The following GABRP variants were observed in gnomAD, a reference collection of about 807,000 sequenced individuals.
GABRP encodes the protein gamma-aminobutyric acid type A receptor subunit pi.
A neutral mutation model predicts 47.8 loss-of-function variants in GABRP; 52 were observed. That is an observed-to-expected ratio of 1.09 (90% CI 0.87 to 1.37). The LOEUF (loss-of-function observed/expected upper bound fraction) is 1.37. Among genes scored for constraint, GABRP ranks in the 40% most tolerant of loss-of-function variants. The probability of loss-of-function intolerance (pLI) is 0.00; values close to 1 mark genes in which losing one functional copy is unlikely to be tolerated. For missense variants in GABRP, 525 were observed against 542.8 expected, an observed-to-expected ratio of 0.97 and a Z score of 0.33; for synonymous variants, 221 against 205.8, an observed-to-expected ratio of 1.07 and a Z score of -0.63.
At chr5:170,791,557 G>A (rs1414847230) in intron 3 of GABRP, among the ~76,000 whole-genome samples, 1 of 152,234 alleles carries the variant, frequency 6.6e-6, no homozygotes, top group Admixed American at 6.5e-5. Flanking sequence ...TGGTGGCACA[G>A]CTTGCTTTTA....
chr5:170,812,375 A>G lies in GABRP; in HGVS notation c.*117A>G, dbSNP rs553193983. 4 of 772,820 alleles carry G rather than the reference A, an allele frequency of 5.2e-6. No homozygotes were observed. In the Admixed American group the frequency reaches 1.0e-4, roughly 20 times the overall value. The allele number at this position is 772,820 out of a possible 1,614,324, so 47.9% of individuals were successfully genotyped here. ...AATGGTGCTACAAGTGACTGAAATA[A>G]TATTTGAGTCTTTCTGCTCAAAGAA... is the stretch of plus-strand genomic sequence containing the variant. On this transcript the variant is annotated 3_prime_UTR_variant, in exon 10 of 10. Coordinates refer to ENST00000265294, the MANE Select transcript of GABRP (RefSeq NM_014211.3).
chr5:170,802,324 G>A (rs1765617455), intron 6 of GABRP, among the ~76,000 whole-genome samples: 1 of 152,132 alleles, frequency 6.6e-6, no homozygotes, highest in African/African-American at 2.4e-5. Context: ...GTGTGTGGAG[G>A]GAGAAATATA....
intron 3 of GABRP, among the ~76,000 whole-genome samples, chr5:170,792,862 T>A (rs977283100): frequency 5.9e-5 from 9 of 152,232 alleles, no homozygotes; most frequent in Non-Finnish European, 8.8e-5. Flanking sequence ...TCTTCCTGGT[T>A]AATGCATTAT....
intron 9 of GABRP, among the ~76,000 whole-genome samples, chr5:170,810,813 G>A (rs1765862891): frequency 6.6e-6 from 1 of 152,044 alleles, no homozygotes; most frequent in South Asian, 2.1e-4. Context: ...TCATAGTCAT[G>A]TCATCCAAGC....
chr5:170,800,200 T>TGGCACAC (rs1484346640), intron 6 of GABRP, among the ~76,000 whole-genome samples: 2 of 152,142 alleles, frequency 1.3e-5, no homozygotes, highest in Non-Finnish European at 2.9e-5. Context: ...CATCTACAAC[T>TGGCACAC]ATCTGATCTT....
chr5:170,811,177 G>C (rs953599942), intron 9 of GABRP, among the ~76,000 whole-genome samples: 31 of 146,476 alleles, frequency 2.1e-4, no homozygotes, highest in African/African-American at 7.8e-4. Flanking sequence ...ACTAATTGAT[G>C]TGGCACATTT....
intron 1 of GABRP, among the ~76,000 whole-genome samples, chr5:170,784,688 G>A (rs1005525897): frequency 3.9e-5 from 6 of 152,206 alleles, no homozygotes; most frequent in Non-Finnish European, 8.8e-5. Context: ...AATTCCCATG[G>A]AAGACACGGA....
intron 6 of GABRP, among the ~76,000 whole-genome samples, chr5:170,804,944 G>A (rs990183302): frequency 2.3e-4 from 33 of 146,390 alleles, no homozygotes; most frequent in African/African-American, 8.3e-4. Flanking sequence ...AAGCTTTACT[G>A]TATATTAAAA....
intron 5 of GABRP, among the ~76,000 whole-genome samples, chr5:170,796,388 G>T (rs543187939): frequency 6.6e-6 from 1 of 152,292 alleles, no homozygotes; most frequent in South Asian, 2.1e-4. Context: ...GTGAGTGTGT[G>T]CATGCATTTG....
intron 9 of GABRP, among the ~76,000 whole-genome samples, chr5:170,810,380 C>T (rs13159160): frequency 0.015 from 2,298 of 152,272 alleles, 43 homozygotes; most frequent in South Asian, 0.089. Flanking sequence ...CATAACAACC[C>T]AATAAGGTTG....
At chr5:170,811,049 C>T (rs1323128915) in intron 9 of GABRP, among the ~76,000 whole-genome samples, 2 of 151,510 alleles carry the variant, frequency 1.3e-5, no homozygotes, top group Non-Finnish European at 2.9e-5. Context: ...ATGATAATCA[C>T]TGCACTATGG....
Position 170,812,179 on chromosome 5 carries a change from A to T in GABRP, c.1244A>T (p.Asp415Val). ...YFTIQNPSNV[D>V]HYSKLLFPLI... ...ACAATTCAAAACCCCAGTAATGTTGATCACTATTCCAAACTACTGTTTCCT... is the reference window on the plus strand; with the variant it reads ...ACAATTCAAAACCCCAGTAATGTTGTTCACTATTCCAAACTACTGTTTCCT... The change falls in exon 10 of 10, where the codon GAT becomes GTT. Residue 415 changes from aspartate (D) to valine (V), a missense_variant. By Grantham distance (152) the Asp-to-Val change is radical. Coordinates refer to ENST00000265294, the MANE Select transcript of GABRP (RefSeq NM_014211.3). 2 of 1,614,030 alleles carry T rather than the reference A, an allele frequency of 1.2e-6. No homozygotes were observed. The highest frequency in any genetic ancestry group is 1.7e-6 in the Non-Finnish European group (2 of 1,179,914).
intron 6 of GABRP, among the ~76,000 whole-genome samples, chr5:170,804,727 G>A (rs1041956047): frequency 6.6e-6 from 1 of 151,974 alleles, no homozygotes; most frequent in African/African-American, 2.4e-5. Flanking sequence ...CTTATTAAAT[G>A]ATAGGTATTA....
chr5:170,801,484 C>A (rs935104138), intron 6 of GABRP, among the ~76,000 whole-genome samples: 2 of 152,200 alleles, frequency 1.3e-5, no homozygotes, highest in South Asian at 2.1e-4. Flanking sequence ...CTGATTACCA[C>A]ACAGTAGTCC....
intron 3 of GABRP, among the ~76,000 whole-genome samples, chr5:170,790,013 G>A (rs1388759823): frequency 6.6e-6 from 1 of 152,034 alleles, no homozygotes; most frequent in Non-Finnish European, 1.5e-5. Flanking sequence ...CAAAATCATA[G>A]CCGTTCCCAT....
Position 170,794,211 on chromosome 5 carries a change from CTTGTTTTTTTT to C in GABRP, c.173-18_173-8del, listed in dbSNP as rs1251761534. Reference sequence around the variant, plus strand: ...GCTCATGGTTGTGTTTCCATTCTTTCTTGTTTTTTTTTATCTTAGGAGAACCCGTACAGATA... The same window carrying C: ...GCTCATGGTTGTGTTTCCATTCTTTCTATCTTAGGAGAACCCGTACAGATA... On this transcript the variant is annotated splice_polypyrimidine_tract_variant and intron_variant, in intron 3 of 9. Coordinates refer to ENST00000265294, the MANE Select transcript of GABRP (RefSeq NM_014211.3). The C allele has an allele frequency of 1.9e-6, 3 of 1,573,630 alleles. No homozygotes were observed. The African/African-American group carries it at 4.1e-5, about 21-fold the overall frequency.
At chr5:170,803,398 G>A (rs1275464004) in intron 6 of GABRP, among the ~76,000 whole-genome samples, 1 of 152,182 alleles carries the variant, frequency 6.6e-6, no homozygotes, top group African/African-American at 2.4e-5. Context: ...CTCTGGGTGA[G>A]TAACTAATGT....
intron 7 of GABRP, among the ~76,000 whole-genome samples, chr5:170,808,367 A>G (rs35689893): frequency 0.015 from 2,291 of 152,308 alleles, 41 homozygotes; most frequent in South Asian, 0.089. Context: ...GCACTGCTGT[A>G]GGAATACTGT....
rs538027526 is a variant in GABRP at position 170,806,737 on chromosome 5, C to T, written c.679+884C>T. Among the ~76,000 whole-genome samples the T allele has an allele frequency of 4.0e-5, 6 of 151,770 alleles. No individual in the cohort carries two copies. In the South Asian group the frequency reaches 6.3e-4, roughly 16 times the overall value. ...AATTACAGGCATGAGCCACCGCGCC[C>T]GGCCTACTGTGTATTTTAGTTGAGC... On this transcript the variant is annotated intron_variant, in intron 7 of 9. Transcript: ENST00000265294.
Sources: gnomAD v4.1 joint callset for allele counts (sites outside exome capture counted in the v4.1 genomes callset) on GRCh38, gnomAD v4.1.1 for gene constraint, MANE v1.5 for transcripts, NCBI Gene and HGNC (gene_info 2026-07-23, HGNC 2026-07-21) for gene names.